Variants in SAMM50 observed in about 807,000 individuals in gnomAD.
SAMM50 encodes the protein SAMM50 sorting and assembly machinery component.
SAMM50 carries 47 observed loss-of-function variants against 66.9 expected under a neutral mutation model. The ratio of observed to expected loss-of-function variants is 0.70; its 90% CI spans 0.56 to 0.90. The LOEUF (loss-of-function observed/expected upper bound fraction) is 0.90, where lower values mean the gene tolerates loss of function less well. Among genes scored for constraint, SAMM50 ranks in the 40% least tolerant of loss-of-function variants. The pLI is 0.00. For missense variants in SAMM50, 535 were observed against 595.3 expected (o/e 0.90, Z 1.05); for synonymous variants, 191 against 214.1 (o/e 0.89, Z 0.94).
At chr22:43,972,079 G>A (rs2050206431) in intron 4 of SAMM50, among the ~76,000 whole-genome samples, 157 bp from the exon 5 acceptor site, 1 of 152,106 alleles carries the variant, frequency 6.6e-6, no homozygotes, top group Non-Finnish European at 1.5e-5. Context: ...GATTTTGTGT[G>A]GGAGTGTTCT....
At chr22:43,955,737 G>A in intron 1 of SAMM50, 139 bp downstream of exon 1, 1 of 923,090 alleles carries the variant, frequency 1.1e-6, no homozygotes, top group Non-Finnish European at 1.6e-6. Context: ...GGGTGGAGGA[G>A]GCCGAAAAGA....
At chr22:43,976,696 G>T in intron 8 of SAMM50, 54 bp from the exon 9 acceptor site, 1 of 1,357,532 alleles carries the variant, frequency 7.4e-7, no homozygotes, top group Non-Finnish European at 1.1e-6. Flanking sequence ...AGTGCTCATG[G>T]TTATCTAATA....
At chr22:43,960,296 C>G (rs1271708360) in intron 1 of SAMM50, among the ~76,000 whole-genome samples, 2 of 152,202 alleles carry the variant, frequency 1.3e-5, no homozygotes, top group Non-Finnish European at 2.9e-5. Flanking sequence ...AGGACCCGGT[C>G]TTGGTCACTG....
At chr22:43,992,380 G>A (rs983907613) in intron 14 of SAMM50, among the ~76,000 whole-genome samples, 5 of 152,360 alleles carry the variant, frequency 3.3e-5, no homozygotes, top group African/African-American at 1.2e-4. Flanking sequence ...CTGGGGACAC[G>A]GCAGGGGCTG....
chr22:43,966,560 TGGCCA>T (rs1173019303), intron 3 of SAMM50, among the ~76,000 whole-genome samples: 1 of 152,116 alleles, frequency 6.6e-6, no homozygotes, highest in Non-Finnish European at 1.5e-5. Context: ...GGTTTCACCA[TGGCCA>T]GGCTCGATTT....
intron 3 of SAMM50, among the ~76,000 whole-genome samples, chr22:43,968,226 CAAAAAAAA>C (rs66961907): frequency 1.7e-4 from 12 of 68,624 alleles, no homozygotes; most frequent in Middle Eastern, 8.3e-3. Flanking sequence ...AACTCTGTCT[CAAAAAAAA>C]AAAAAAAAAA....
At chr22:43,961,973 C>T (rs1031696539) in intron 1 of SAMM50, among the ~76,000 whole-genome samples, 17 of 151,958 alleles carry the variant, frequency 1.1e-4, no homozygotes, top group Admixed American at 6.6e-5. Context: ...CTCCTAGGCT[C>T]AAGTGATTAT....
chr22:43,964,665 G>T, intron 3 of SAMM50, 112 bp downstream of exon 3: 1 of 598,778 alleles, frequency 1.7e-6, no homozygotes, highest in Non-Finnish European at 3.0e-6. Context: ...CCGGAGATCT[G>T]CCTCCTACCC....
At chr22:43,995,308 C>T (rs2050347005) in intron 14 of SAMM50, 1 of 152,220 alleles carries the variant, frequency 6.6e-6, no homozygotes. Context: ...AAAAGGAAAA[C>T]TTGCCGCCGG....
At chr22:43,986,240 C>G (rs574126847) in intron 12 of SAMM50, 1 of 150,032 alleles carries the variant, frequency 6.7e-6, no homozygotes, top group African/African-American at 2.5e-5. Context: ...CGGGGTTTCT[C>G]CATGTTGGCC....
At chr22:43,990,226 CG>C (rs563613803) in intron 13 of SAMM50, 38 bp from the exon 14 acceptor site, 476 of 1,610,484 alleles carry the variant, frequency 3.0e-4, no homozygotes, top group Non-Finnish European at 3.9e-4. Context: ...CTTGGAAGGA[CG>C]GGCACGCACT....
chr22:43,956,662 A>G (rs552478609), intron 1 of SAMM50, among the ~76,000 whole-genome samples: 1 of 152,198 alleles, frequency 6.6e-6, no homozygotes, highest in African/African-American at 2.4e-5. Flanking sequence ...AGGAGTTTGG[A>G]CCTCATGTTT....
Position 43,983,837 on chromosome 22 carries a change from G to C in SAMM50, c.1008-96G>C. On this transcript the variant is annotated intron_variant, in intron 11 of 14. Transcript: ENST00000350028. The surrounding 1 kb of genome is among the most constrained non-coding windows in gnomAD (Gnocchi z 4.2). ...AAAATGCTGTCGATAATCTAGTATC[G>C]AATGTGAGTCTGACATGTGTTTCCT... 1 of 820,880 alleles carries C rather than the reference G, an allele frequency of 1.2e-6. No individual in the cohort carries two copies. Among genetic ancestry groups the C allele is most frequent in the Non-Finnish European group, 2.0e-6 (1 of 505,214 alleles). The allele number at this position is 820,880 out of a possible 1,614,324, so 50.8% of individuals were successfully genotyped here.
intron 9 of SAMM50, among the ~76,000 whole-genome samples, chr22:43,977,123 G>A (rs1044050909): frequency 2.0e-5 from 3 of 152,236 alleles, no homozygotes; most frequent in Non-Finnish European, 4.4e-5. Context: ...TGTTACCTGG[G>A]AGAGAGTGTC....
intron 12 of SAMM50, among the ~76,000 whole-genome samples, chr22:43,984,314 ATAT>A (rs2050280366): frequency 6.6e-6 from 1 of 152,046 alleles, no homozygotes; most frequent in Admixed American, 6.5e-5. Flanking sequence ...CTTTGTTTAC[ATAT>A]TATTATTTTT....
chr22:43,957,575 A>T (rs899953050), intron 1 of SAMM50, among the ~76,000 whole-genome samples: 3 of 152,132 alleles, frequency 2.0e-5, no homozygotes, highest in African/African-American at 7.2e-5. Flanking sequence ...GGCGCACGCC[A>T]CCACACCCAG....
At chr22:43,968,901 G>T in intron 4 of SAMM50, 83 bp downstream of exon 4, 1 of 941,174 alleles carries the variant, frequency 1.1e-6, no homozygotes, top group South Asian at 1.3e-5. Flanking sequence ...TGCAGATCTG[G>T]GCAGCAGAGC....
At chr22:43,976,918 C>A in intron 9 of SAMM50, 97 bp downstream of exon 9, 1 of 715,484 alleles carries the variant, frequency 1.4e-6, no homozygotes. Flanking sequence ...TGGGGGTGGG[C>A]AGTCCCACAG....
intron 13 of SAMM50, among the ~76,000 whole-genome samples, 157 bp from the exon 14 acceptor site, chr22:43,990,108 G>A (rs913752877): frequency 6.6e-6 from 1 of 152,196 alleles, no homozygotes; most frequent in African/African-American, 2.4e-5. Context: ...CTTGACCTGG[G>A]TCCTAATCTC....
Sources: allele counts gnomAD v4.1 joint callset (sites outside exome capture counted in the v4.1 genomes callset), GRCh38; gene constraint gnomAD v4.1.1; non-coding constraint Gnocchi (gnomAD v3.1); transcripts MANE v1.5; gene names NCBI Gene and HGNC (gene_info 2026-07-23, HGNC 2026-07-21).